AK5: variants seen among roughly 807,000 people sequenced by gnomAD.
AK5 encodes adenylate kinase 5, also known as adenylate kinase isoenzyme 5.
Under a neutral mutation model 69.5 loss-of-function variants are expected in AK5, and 27 were observed. The observed-to-expected ratio is 0.39, with a 90% CI of 0.29 to 0.54. The LOEUF (loss-of-function observed/expected upper bound fraction) is 0.54. Ranked by LOEUF, AK5 falls within the 20% of genes least tolerant of loss-of-function variation. AK5 has a pLI of 0.71. For synonymous variants in AK5, 260 were observed against 244.4 expected (o/e 1.06, Z -0.60); for missense variants, 531 against 700.4 (o/e 0.76, Z 2.73).
At chr1:77,331,624 A>G (rs1661092024) in intron 5 of AK5, among the ~76,000 whole-genome samples, 1 of 152,124 alleles carries the variant, frequency 6.6e-6, no homozygotes, top group Admixed American at 6.6e-5. Context: ...CATTTGCTAT[A>G]TTATTAGAAT....
chr1:77,308,859 C>G (rs556807985), intron 5 of AK5, among the ~76,000 whole-genome samples: 2 of 151,394 alleles, frequency 1.3e-5, no homozygotes, highest in Non-Finnish European at 2.9e-5. Flanking sequence ...GTCCCAGCTA[C>G]TCGGAAGGCT....
chr1:77,286,458 C>G (rs921122671), intron 1 of AK5, among the ~76,000 whole-genome samples: 3 of 151,372 alleles, frequency 2.0e-5, no homozygotes, highest in Non-Finnish European at 4.4e-5. Context: ...ATGACTCCAT[C>G]AGATCGTAAT....
intron 5 of AK5, among the ~76,000 whole-genome samples, chr1:77,319,272 G>A (rs185900369): frequency 4.2e-4 from 64 of 152,206 alleles, no homozygotes; most frequent in African/African-American, 9.6e-4. Context: ...GATGCTTACC[G>A]TTGGTCAAAA....
At chr1:77,321,420 G>C (rs540812051) in intron 5 of AK5, among the ~76,000 whole-genome samples, 3 of 152,230 alleles carry the variant, frequency 2.0e-5, no homozygotes, top group Admixed American at 6.5e-5. Flanking sequence ...AGTGAGCTGA[G>C]GTCTCGCCAC....
intron 13 of AK5, among the ~76,000 whole-genome samples, chr1:77,539,896 T>C (rs767721844): frequency 5.3e-5 from 8 of 152,168 alleles, no homozygotes; most frequent in Non-Finnish European, 1.0e-4. Flanking sequence ...TTCTTAAAAC[T>C]AGGTGGGGCT....
rs1654711576 is a variant in AK5, at chr1:77,474,374, C to T, written c.1060-8943C>T. ...CTTTCATTCCTCCCTGGCTCTATGTCCCACTGCCACTAACTAGCTCTGTCT... is the reference window on the plus strand; with the variant it reads ...CTTTCATTCCTCCCTGGCTCTATGTTCCACTGCCACTAACTAGCTCTGTCT... On this transcript the variant is annotated intron_variant, in intron 8 of 13. Coordinates refer to ENST00000354567, the MANE Select transcript of AK5 (RefSeq NM_174858.3). Among the ~76,000 whole-genome samples, 4 of 152,152 alleles carry T rather than the reference C, an allele frequency of 2.6e-5. No homozygotes were observed. In the South Asian group the frequency reaches 6.2e-4, roughly 24 times the overall value.
chr1:77,289,929 C>G (rs1473452016), intron 2 of AK5, among the ~76,000 whole-genome samples: 1 of 131,274 alleles, frequency 7.6e-6, no homozygotes, highest in Non-Finnish European at 1.6e-5. Context: ...CTGAACAAAA[C>G]ACATCTGTGG....
At chr1:77,432,976 C>T (rs947042173) in intron 8 of AK5, among the ~76,000 whole-genome samples, 1 of 152,170 alleles carries the variant, frequency 6.6e-6, no homozygotes, top group Non-Finnish European at 1.5e-5. Flanking sequence ...AGTTTGAATT[C>T]TCTGCTATGG....
intron 6 of AK5, among the ~76,000 whole-genome samples, chr1:77,383,958 G>A (rs1570477333): frequency 2.0e-5 from 3 of 151,926 alleles, no homozygotes; most frequent in African/African-American, 7.2e-5. Context: ...AAAAAGGGTG[G>A]ATGAATTTCA....
At chr1:77,325,440 C>A (rs1440028788) in intron 5 of AK5, among the ~76,000 whole-genome samples, 1 of 152,112 alleles carries the variant, frequency 6.6e-6, no homozygotes, top group African/African-American at 2.4e-5. Flanking sequence ...TGCCAGGACA[C>A]AACCTTGGAT....
At chr1:77,548,418 G>A (rs922391090) in intron 13 of AK5, among the ~76,000 whole-genome samples, 1 of 152,164 alleles carries the variant, frequency 6.6e-6, no homozygotes, top group East Asian at 1.9e-4. Context: ...GCACACTGAG[G>A]TCTACCTTGC....
rs1216708117 is a variant in AK5 at position 77,368,237 on chromosome 1, A to G, written c.891+27669A>G. Among the ~76,000 whole-genome samples, 4 of 7,854 alleles carry G rather than the reference A, an allele frequency of 5.1e-4. No individual in the cohort carries two copies. In the East Asian group the frequency reaches 0.036, roughly 70 times the overall value. 5.2% of individuals were successfully genotyped at this position (7,854 alleles called of 152,430 possible). On this transcript the variant is annotated intron_variant, in intron 6 of 13. Coordinates refer to ENST00000354567, the MANE Select transcript of AK5 (RefSeq NM_174858.3). ...ATACTATATATATATATATATATAT[A>G]TATATATATATATATAATATATATG...
chr1:77,369,105 A>T (rs960871896), intron 6 of AK5, among the ~76,000 whole-genome samples: 2 of 152,168 alleles, frequency 1.3e-5, no homozygotes, highest in Non-Finnish European at 2.9e-5. Context: ...ATTTGTCAGT[A>T]AAAAATAAAA....
intron 1 of AK5, chr1:77,282,658 A>C (rs1419722270): frequency 8.4e-7 from 1 of 1,186,724 alleles, no homozygotes; most frequent in Non-Finnish European, 1.0e-6. Flanking sequence ...TCGGATGTGG[A>C]CACCCAGGGT....
intron 12 of AK5, among the ~76,000 whole-genome samples, chr1:77,531,763 GCA>G (rs2100344540): frequency 6.7e-6 from 1 of 149,446 alleles, no homozygotes; most frequent in South Asian, 2.1e-4. Context: ...CCCTGCGCCC[GCA>G]CTCCTCAGGG....
At chr1:77,418,552 T>C (rs1251694588) in intron 8 of AK5, among the ~76,000 whole-genome samples, 1 of 152,210 alleles carries the variant, frequency 6.6e-6, no homozygotes, top group Non-Finnish European at 1.5e-5. Context: ...TGGGTCATTT[T>C]CCTCTCAGCA....
intron 6 of AK5, among the ~76,000 whole-genome samples, chr1:77,392,478 T>A (rs1211894562): frequency 1.3e-5 from 2 of 152,226 alleles, no homozygotes; most frequent in African/African-American, 4.8e-5. Context: ...CAAACACTAA[T>A]GTTTTCTTAA....
chr1:77,524,425 G>A (rs187670821), intron 12 of AK5, among the ~76,000 whole-genome samples: 14 of 152,260 alleles, frequency 9.2e-5, no homozygotes, highest in South Asian at 6.2e-4. Context: ...CCGACAATGC[G>A]TGAGAATTTC....
intron 8 of AK5, among the ~76,000 whole-genome samples, chr1:77,435,000 G>T (rs1651872036): frequency 6.6e-6 from 1 of 152,164 alleles, no homozygotes; most frequent in African/African-American, 2.4e-5. Context: ...GCAGAATCAA[G>T]ATATACTGGA....
Sources: allele counts gnomAD v4.1 joint callset (sites outside exome capture counted in the v4.1 genomes callset), GRCh38; gene constraint gnomAD v4.1.1; transcripts MANE v1.5; gene names NCBI Gene and HGNC (gene_info 2026-07-23, HGNC 2026-07-21).